Variants in TLE4 observed in about 807,000 individuals in gnomAD.
TLE4 encodes TLE family member 4, transcriptional corepressor.
Under a neutral mutation model 92.8 loss-of-function variants are expected in TLE4, and 8 were observed. That is an observed-to-expected ratio of 0.09 (90% CI 0.05 to 0.16). TLE4 has a LOEUF of 0.16. Ranked by LOEUF, TLE4 falls within the 10% of genes least tolerant of loss-of-function variation. The pLI, the probability that TLE4 is intolerant of heterozygous loss-of-function variation, is 1.00. For synonymous variants in TLE4, 371 were observed against 374.1 expected (o/e 0.99, Z 0.10); for missense variants, 675 against 997.6 (o/e 0.68, Z 4.36).
At chr9:79,651,325 T>C (rs2058948545) in intron 6 of TLE4, among the ~76,000 whole-genome samples, 1 of 152,074 alleles carries the variant, frequency 6.6e-6, no homozygotes, top group Non-Finnish European at 1.5e-5. Flanking sequence ...CAACTCCTCC[T>C]CTCCCCCACT....
intron 19 of TLE4, among the ~76,000 whole-genome samples, chr9:79,724,315 C>T (rs1321173367): frequency 6.6e-6 from 1 of 152,060 alleles, no homozygotes; most frequent in African/African-American, 2.4e-5. Context: ...GTTAAGTGAC[C>T]TGTGCCGTGT....
intron 8 of TLE4, among the ~76,000 whole-genome samples, chr9:79,661,393 A>G (rs146342128): frequency 6.6e-6 from 1 of 152,332 alleles, no homozygotes; most frequent in African/African-American, 2.4e-5. Flanking sequence ...TAGCTCAGCT[A>G]TCTTCTGGGT....
intron 8 of TLE4, among the ~76,000 whole-genome samples, chr9:79,656,533 A>G (rs978203359): frequency 1.1e-4 from 16 of 152,310 alleles, no homozygotes; most frequent in African/African-American, 3.8e-4. Flanking sequence ...ACAAATTTAA[A>G]TTAATGGTGC....
intron 4 of TLE4, among the ~76,000 whole-genome samples, chr9:79,602,056 A>C (rs1358011883): frequency 2.0e-5 from 3 of 152,226 alleles, no homozygotes; most frequent in Non-Finnish European, 4.4e-5. Context: ...CCAAAGCCTA[A>C]TCCAGAGCAA....
Position 79,673,348 on chromosome 9 carries a change from C to A in TLE4, c.609+19273C>A, listed in dbSNP as rs556255159. Reference sequence around the variant, plus strand: ...CCCTCTAACCAAACAATTTCTAGACCCCAACCAGTGGTCCACTTATTTAAA... The same window carrying A: ...CCCTCTAACCAAACAATTTCTAGACACCAACCAGTGGTCCACTTATTTAAA... On this transcript the variant is annotated intron_variant, in intron 8 of 19. Coordinates refer to ENST00000376552, the MANE Select transcript of TLE4 (RefSeq NM_007005.6). 1.2e-4 allele frequency among the ~76,000 whole-genome samples: 19 copies of A among 152,174 alleles called. No individual in the cohort carries two copies. The South Asian group carries it at 3.9e-3, about 32-fold the overall frequency.
chr9:79,588,342 G>A (rs1191822510), intron 4 of TLE4, among the ~76,000 whole-genome samples: 1 of 152,108 alleles, frequency 6.6e-6, no homozygotes, highest in East Asian at 1.9e-4. Context: ...TAGAGACGGG[G>A]TTTCACCATG....
At chr9:79,722,900 A>G in intron 18 of TLE4, 59 bp from the exon 19 acceptor site, 1 of 1,512,738 alleles carries the variant, frequency 6.6e-7, no homozygotes, top group Non-Finnish European at 9.1e-7. Flanking sequence ...TATAAAGCAA[A>G]TCTTGGTGTC....
intron 4 of TLE4, among the ~76,000 whole-genome samples, chr9:79,579,108 CA>C (rs1426328748): frequency 6.6e-6 from 1 of 152,182 alleles, no homozygotes; most frequent in Non-Finnish European, 1.5e-5. Context: ...AATGAAAGAA[CA>C]TAGGCCCTTA....
At chr9:79,669,609 A>G (rs2061941000) in intron 8 of TLE4, among the ~76,000 whole-genome samples, 1 of 152,138 alleles carries the variant, frequency 6.6e-6, no homozygotes, top group Non-Finnish European at 1.5e-5. Context: ...TGTCTGAGCA[A>G]GGAAGAGGCT....
At chr9:79,651,031 ATCTCTCTCTC>A (rs10580766) in intron 6 of TLE4, among the ~76,000 whole-genome samples, 69,594 of 138,788 alleles carry the variant, frequency 0.5, 18,249 homozygotes, top group East Asian at 0.71. Flanking sequence ...GGAATGATCG[ATCTCTCTCTC>A]TCTCTCTCTC....
chr9:79,676,970 G>C (rs2063375653), intron 8 of TLE4, among the ~76,000 whole-genome samples: 1 of 152,074 alleles, frequency 6.6e-6, no homozygotes, highest in Admixed American at 6.6e-5. Flanking sequence ...CATTTCCCAT[G>C]CATCCATGGT....
At chr9:79,602,746 T>A (rs1415877861) in intron 4 of TLE4, among the ~76,000 whole-genome samples, 1 of 152,186 alleles carries the variant, frequency 6.6e-6, no homozygotes, top group East Asian at 1.9e-4. Context: ...GATCAAGGAG[T>A]AATTTCAACT....
intron 5 of TLE4, among the ~76,000 whole-genome samples, chr9:79,624,358 G>T (rs1310388664): frequency 6.6e-6 from 1 of 152,108 alleles, no homozygotes; most frequent in East Asian, 1.9e-4. Context: ...TGGTGTGGCT[G>T]AGTGAGCTAA....
intron 6 of TLE4, among the ~76,000 whole-genome samples, chr9:79,629,553 A>G (rs1000497991): frequency 3.3e-5 from 5 of 152,200 alleles, no homozygotes; most frequent in African/African-American, 4.8e-5. Flanking sequence ...CTAACTCAGC[A>G]GTACATTCTG....
At position 79,704,830 on chromosome 9, in the gene TLE4, C is replaced by A. The variant is rs2071052410; in HGVS notation, c.657C>A (p.His219Gln). The change falls in exon 9 of 20, where the codon CAC becomes CAA. Residue 219 changes from histidine (H) to glutamine (Q), a missense_variant. This residue lies in a region of TLE4 where 280 missense variants were observed against 287.3 expected (regional missense o/e 0.97). Coordinates refer to ENST00000376552, the MANE Select transcript of TLE4 (RefSeq NM_007005.6). ...PSASFRGAEK[H>Q]RNSADYSSES... ...CCAGTTTCCGAGGTGCTGAGAAGCA[C>A]AGAAACTCCGCAGACTACTCCTCAG... The A allele has an allele frequency of 6.2e-7, 1 of 1,614,048 alleles. No individual in the cohort carries two copies. The highest frequency in any genetic ancestry group is 8.5e-7 in the Non-Finnish European group (1 of 1,180,036).
In TLE4 at chr9:79,631,113, G is replaced by A. The variant is rs139861597; in HGVS notation, c.390+3665G>A. 8.5e-5 allele frequency among the ~76,000 whole-genome samples: 13 copies of A among 152,298 alleles called. No individual in the cohort carries two copies. In the East Asian group the frequency reaches 2.5e-3, roughly 29 times the overall value. ...AAGAAATGCTGAACCTCAATTTTTA[G>A]CAGTGACATTTTAATGATAGGAAGT... On this transcript the variant is annotated intron_variant, in intron 6 of 19. Transcript: ENST00000376552.
Position 79,572,058 on chromosome 9 carries a change from G to T in TLE4, c.-733G>T, listed in dbSNP as rs1421724932. The T allele has an allele frequency of 6.6e-6, 1 of 151,838 alleles. No homozygotes were observed. The highest frequency in any genetic ancestry group is 1.5e-5 in the Non-Finnish European group (1 of 67,986). The allele number at this position is 151,838 out of a possible 1,614,324, so 9.4% of individuals were successfully genotyped here. On this transcript the variant is annotated 5_prime_UTR_variant, in exon 1 of 20. Coordinates refer to ENST00000376552, the MANE Select transcript of TLE4 (RefSeq NM_007005.6). ...CACACTTGTATATTATTTTGAGGTG[G>T]TGTTCGCAGAGTTTGAAAGGAGAGA...
At position 79,717,443 on chromosome 9, in the gene TLE4, G is replaced by A. The variant is rs987949077; in HGVS notation, c.1341-1279G>A. ...TAGCTTCCCACCTCCTTCCCCTCCA[G>A]CAAGTCTCACATACTATGTTCTTCT... On this transcript the variant is annotated intron_variant, in intron 14 of 19. Coordinates refer to ENST00000376552, the MANE Select transcript of TLE4 (RefSeq NM_007005.6). Among the ~76,000 whole-genome samples the A allele has an allele frequency of 4.6e-5, 7 of 152,068 alleles. 1 individual carries two copies. The highest frequency in any genetic ancestry group is 2.6e-4 in the Admixed American group (4 of 15,270).
In TLE4 at chr9:79,613,854, T is replaced by C. The variant is rs548154484; in HGVS notation, c.315+1136T>C. On this transcript the variant is annotated intron_variant, in intron 5 of 19. Coordinates refer to ENST00000376552, the MANE Select transcript of TLE4 (RefSeq NM_007005.6). ...CTTGAGTAACTATGGGTACCCTTCA[T>C]AGGTATATACTGGGGAGGGGGCACT... 3.9e-5 allele frequency among the ~76,000 whole-genome samples: 6 copies of C among 152,260 alleles called. No homozygotes were observed. In the South Asian group the frequency reaches 1.2e-3, roughly 31 times the overall value.
Sources: allele counts gnomAD v4.1 joint callset (sites outside exome capture counted in the v4.1 genomes callset), GRCh38; gene constraint gnomAD v4.1.1; regional missense constraint gnomAD v4.1.1; transcripts MANE v1.5; gene names NCBI Gene and HGNC (gene_info 2026-07-23, HGNC 2026-07-21).